The following LYPLA1 variants were observed in gnomAD, a reference collection of about 807,000 sequenced individuals.
LYPLA1 encodes the protein acyl-protein thioesterase 1.
LYPLA1 carries 17 observed loss-of-function variants against 34.0 expected under a neutral mutation model. That is an observed-to-expected ratio of 0.50 (90% CI 0.34 to 0.75). The LOEUF (loss-of-function observed/expected upper bound fraction) is 0.75, where lower values mean the gene tolerates loss of function less well. Ranked by LOEUF, LYPLA1 falls within the 30% of genes least tolerant of loss-of-function variation. The pLI, the probability that LYPLA1 is intolerant of heterozygous loss-of-function variation, is 0.01. For synonymous variants in LYPLA1, 98 were observed against 100.8 expected (o/e 0.97, Z 0.17); for missense variants, 203 against 288.8 (o/e 0.70, Z 2.15).
chr8:54,077,535 C>T (rs1046460373), intron 2 of LYPLA1, among the ~76,000 whole-genome samples: 1 of 152,164 alleles, frequency 6.6e-6, no homozygotes, highest in Admixed American at 6.5e-5. Context: ...GTGGCTCACG[C>T]CTGTAATCCC....
intron 2 of LYPLA1, among the ~76,000 whole-genome samples, chr8:54,078,906 G>A (rs528337526): frequency 7.3e-6 from 1 of 136,460 alleles, no homozygotes; most frequent in Non-Finnish European, 1.5e-5. Context: ...TGCTTTTTAT[G>A]TTTAACACTT....
intron 3 of LYPLA1, among the ~76,000 whole-genome samples, chr8:54,064,597 T>G (rs901800987): frequency 2.0e-5 from 3 of 152,192 alleles, no homozygotes; most frequent in Non-Finnish European, 4.4e-5. Context: ...CTTCTTCCCA[T>G]TCCCTCTTTC....
At chr8:54,067,114 A>G (rs1451484028) in intron 2 of LYPLA1, among the ~76,000 whole-genome samples, 1 of 152,112 alleles carries the variant, frequency 6.6e-6, no homozygotes, top group Non-Finnish European at 1.5e-5. Flanking sequence ...GGTTGCAGTG[A>G]GCCAAGACTA....
intron 2 of LYPLA1, among the ~76,000 whole-genome samples, chr8:54,087,279 T>C (rs746570913): frequency 1.3e-5 from 2 of 152,224 alleles, no homozygotes; most frequent in African/African-American, 2.4e-5. Context: ...ACAATTCCAT[T>C]CGTCATAGTA....
At chr8:54,046,198 AATAAC>A (rs1805479649), downstream of LYPLA1, among the ~76,000 whole-genome samples, 1 of 152,230 alleles carries the variant, frequency 6.6e-6, no homozygotes, top group African/African-American at 2.4e-5. Context: ...ATTAAAACTG[AATAAC>A]ATGAGATTAT....
intron 5 of LYPLA1, among the ~76,000 whole-genome samples, chr8:54,058,258 A>G (rs1218666592): frequency 6.6e-6 from 1 of 152,162 alleles, no homozygotes; most frequent in Non-Finnish European, 1.5e-5. Context: ...AAATCACAGA[A>G]TTGGCCAGGC....
At chr8:54,045,892 C>G (rs1278275832), downstream of LYPLA1, among the ~76,000 whole-genome samples, 2 of 152,072 alleles carry the variant, frequency 1.3e-5, no homozygotes, top group African/African-American at 2.4e-5. Context: ...AAAACCCTGT[C>G]TCTACTAAAA....
intron 2 of LYPLA1, among the ~76,000 whole-genome samples, chr8:54,098,133 G>A (rs1809828750): frequency 6.6e-6 from 1 of 152,130 alleles, no homozygotes; most frequent in African/African-American, 2.4e-5. Context: ...TGAGGCAGGA[G>A]AGTTGCTTGA....
At chr8:54,083,782 T>C (rs1167118875) in intron 2 of LYPLA1, among the ~76,000 whole-genome samples, 2 of 152,142 alleles carry the variant, frequency 1.3e-5, no homozygotes, top group African/African-American at 4.8e-5. Flanking sequence ...CGAAAATGCA[T>C]AGGATGCAGC....
chr8:54,092,183 A>G (rs1345646288), intron 2 of LYPLA1, among the ~76,000 whole-genome samples: 1 of 148,326 alleles, frequency 6.7e-6, no homozygotes, highest in Admixed American at 6.7e-5. Flanking sequence ...TGTCGAAGTC[A>G]GGGGGAGGAG....
At chr8:54,071,214 A>G in intron 2 of LYPLA1, among the ~76,000 whole-genome samples, 1 of 145,946 alleles carries the variant, frequency 6.9e-6, no homozygotes, top group East Asian at 3.0e-4. Context: ...TGACAGCTCA[A>G]ATGAACACAT....
chr8:54,091,431 G>A (rs892952578), intron 2 of LYPLA1, among the ~76,000 whole-genome samples: 4 of 151,556 alleles, frequency 2.6e-5, no homozygotes, highest in African/African-American at 9.7e-5. Context: ...AGGTTGCAGT[G>A]AGCCGAGATC....
chr8:54,101,763 T>C lies in LYPLA1; in HGVS notation c.61A>G (p.Thr21Ala). The C allele has an allele frequency of 7.7e-7, 1 of 1,301,484 alleles. No homozygotes were observed. Among genetic ancestry groups the C allele is most frequent in the Non-Finnish European group, 9.8e-7 (1 of 1,016,686 alleles). 80.6% of individuals were successfully genotyped at this position (1,301,484 alleles called of 1,614,324 possible). The change falls in exon 1 of 9, where the codon ACC (threonine) becomes GCC (alanine). Residue 21 changes from threonine to alanine, a missense_variant. Coordinates refer to ENST00000316963, the MANE Select transcript of LYPLA1 (RefSeq NM_006330.4). Reference sequence around the variant, plus strand: ...ACGCCTACGCCACTCACCGCAGCGGTGGCCTTCCGGGCGGCGGGCACGATG... The same window carrying C: ...ACGCCTACGCCACTCACCGCAGCGGCGGCCTTCCGGGCGGCGGGCACGATG... ...PAIVPAARKA[T>A]AAVIFLHGLG...
At chr8:54,055,834 G>A (rs1189536416) in intron 5 of LYPLA1, among the ~76,000 whole-genome samples, 51 of 151,802 alleles carry the variant, frequency 3.4e-4, no homozygotes, top group Admixed American at 3.3e-3. Flanking sequence ...TAGTAGAGAC[G>A]AGGTTTCACC....
intron 2 of LYPLA1, among the ~76,000 whole-genome samples, chr8:54,066,927 T>A (rs1807109601): frequency 6.6e-6 from 1 of 152,202 alleles, no homozygotes; most frequent in Non-Finnish European, 1.5e-5. Context: ...ACAAGCACTT[T>A]GGGAGACTGA....
In LYPLA1 at chr8:54,085,705, C is replaced by G. The variant is rs191949782; in HGVS notation, c.101+15203G>C. On this transcript the variant is annotated intron_variant, in intron 2 of 8. Transcript: ENST00000316963. ...GGAGGTGAGGAGCATCTCTGACCAG[C>G]CGCCCTGTCTGACAAGTGAGGAGCC... Among the ~76,000 whole-genome samples the G allele has an allele frequency of 3.2e-3, 487 of 151,654 alleles. 3 individuals carry two copies. Among genetic ancestry groups the G allele is most frequent in the Non-Finnish European group, 4.6e-3 (315 of 67,848 alleles).
chr8:54,065,701 TC>T (rs1807012193), intron 3 of LYPLA1, 46 bp downstream of exon 3: 1 of 1,458,874 alleles, frequency 6.9e-7, no homozygotes, highest in African/African-American at 1.4e-5. Flanking sequence ...TCACAATTGC[TC>T]CTCTCCAGAC....
chr8:54,099,357 T>C (rs1157548764), intron 2 of LYPLA1, among the ~76,000 whole-genome samples: 16 of 152,192 alleles, frequency 1.1e-4, no homozygotes, highest in Non-Finnish European at 2.4e-4. Context: ...ACAAAGTTTG[T>C]ATTACATAAC....
chr8:54,049,887 G>A (rs1007408691), intron 8 of LYPLA1, among the ~76,000 whole-genome samples: 1 of 152,084 alleles, frequency 6.6e-6, no homozygotes, highest in African/African-American at 2.4e-5. Flanking sequence ...GGTCACAGGT[G>A]GCTTAATATT....
Sources: allele counts gnomAD v4.1 joint callset (sites outside exome capture counted in the v4.1 genomes callset), GRCh38; gene constraint gnomAD v4.1.1; transcripts MANE v1.5; gene names NCBI Gene and HGNC (gene_info 2026-07-23, HGNC 2026-07-21).